The following LCOR variants were observed in gnomAD, a reference collection of about 807,000 sequenced individuals.
The protein encoded by LCOR is ligand dependent nuclear receptor corepressor.
Under a neutral mutation model 64.4 loss-of-function variants are expected in LCOR, and 14 were observed. The observed-to-expected ratio is 0.22, with a 90% CI of 0.14 to 0.34. LCOR has a LOEUF of 0.34. Among genes scored for constraint, LCOR ranks in the 10% least tolerant of loss-of-function variants. The pLI, the probability that LCOR is intolerant of heterozygous loss-of-function variation, is 1.00. For missense variants in LCOR, 1,686 were observed against 1,765.3 expected (o/e 0.96, Z 0.80); for synonymous variants, 643 against 642.5 (o/e 1.00, Z -0.01).
chr10:96,868,716 A>G (rs1846020631), intron 2 of LCOR, among the ~76,000 whole-genome samples: 1 of 152,314 alleles, frequency 6.6e-6, no homozygotes, highest in East Asian at 1.9e-4. Flanking sequence ...CTATTCTTTC[A>G]TAGCACTTTT....
intron 6 of LCOR, among the ~76,000 whole-genome samples, chr10:96,950,254 A>T (rs1486835156): frequency 6.6e-6 from 1 of 152,126 alleles, no homozygotes; most frequent in Admixed American, 6.5e-5. Flanking sequence ...CTTTGAAATG[A>T]ACTTTCTTTT....
At chr10:96,860,501 C>T (rs1010121639) in intron 2 of LCOR, among the ~76,000 whole-genome samples, 3 of 152,186 alleles carry the variant, frequency 2.0e-5, no homozygotes, top group African/African-American at 7.2e-5. Flanking sequence ...TTGGAGGGAG[C>T]ATGGCCATGC....
At chr10:96,853,506 A>C (rs1437162212) in intron 2 of LCOR, among the ~76,000 whole-genome samples, 1 of 152,246 alleles carries the variant, frequency 6.6e-6, no homozygotes, top group African/African-American at 2.4e-5. Flanking sequence ...ATTGAACTCA[A>C]GAGTTTGAGG....
intron 4 of LCOR, among the ~76,000 whole-genome samples, chr10:96,923,649 A>G (rs993094270): frequency 1.3e-5 from 2 of 152,232 alleles, no homozygotes; most frequent in African/African-American, 4.8e-5. Context: ...CTTTATTGTT[A>G]AAAATTTAAC....
chr10:96,847,415 TTTATTTATTTATTTATTTACTTAC>T (rs1353707491), intron 2 of LCOR, among the ~76,000 whole-genome samples: 1 of 135,540 alleles, frequency 7.4e-6, no homozygotes, highest in African/African-American at 2.7e-5. Flanking sequence ...ATTTTATTTA[TTTATTTATTTATTTATTTACTTAC>T]TTATTTATTT....
intron 2 of LCOR, among the ~76,000 whole-genome samples, chr10:96,869,353 C>G (rs1418677614): frequency 6.6e-6 from 1 of 151,912 alleles, no homozygotes; most frequent in Non-Finnish European, 1.5e-5. Context: ...GCTGGTATTA[C>G]AGGCATGTGC....
intron 2 of LCOR, among the ~76,000 whole-genome samples, chr10:96,835,404 A>C (rs2134356447): frequency 6.6e-6 from 1 of 152,326 alleles, no homozygotes; most frequent in East Asian, 1.9e-4. Flanking sequence ...GCAATATTTT[A>C]ATCTGAGCAG....
At chr10:96,894,103 A>AT (rs913247046) in intron 2 of LCOR, among the ~76,000 whole-genome samples, 51 of 152,018 alleles carry the variant, frequency 3.4e-4, no homozygotes, top group African/African-American at 1.1e-3. Context: ...TTATTTATTT[A>AT]TTTTTTGTAA....
At chr10:96,832,907 TGCGTGCACGCGCG>T in intron 1 of LCOR, 1 of 843,564 alleles carries the variant, frequency 1.2e-6, no homozygotes, top group Non-Finnish European at 1.4e-6. Context: ...CCCCCGGGTC[TGCGTGCACGCGCG>T]GCGGGCTGCA....
chr10:96,875,327 T>G (rs1027262484), intron 2 of LCOR, among the ~76,000 whole-genome samples: 1 of 151,776 alleles, frequency 6.6e-6, no homozygotes, highest in East Asian at 1.9e-4. Context: ...GAGCTTGCAG[T>G]GGGCCACTGT....
intron 2 of LCOR, among the ~76,000 whole-genome samples, chr10:96,869,566 T>G (rs1846036067): frequency 6.7e-6 from 1 of 149,086 alleles, no homozygotes; most frequent in South Asian, 2.1e-4. Flanking sequence ...TCATTGGTTC[T>G]TTCTTTTTTT....
chr10:96,969,463 G>C (rs1171306414), intron 7 of LCOR, among the ~76,000 whole-genome samples: 3 of 152,078 alleles, frequency 2.0e-5, no homozygotes, highest in African/African-American at 7.2e-5. Flanking sequence ...AAATTTAAAA[G>C]TCATAAAGTT....
chr10:96,949,019 G>C lies in LCOR; in HGVS notation c.-39G>C. 1 of 1,610,980 alleles carries C rather than the reference G, an allele frequency of 6.2e-7. No individual in the cohort carries two copies. The highest frequency in any genetic ancestry group is 8.5e-7 in the Non-Finnish European group (1 of 1,178,344). On this transcript the variant is annotated 5_prime_UTR_variant, in exon 6 of 8. Transcript: ENST00000421806. ...ATCTTTATTTACAGACAGTCCCTGG[G>C]TCTCCGACCCCAATATTCCCCTAGT...
At chr10:96,832,514 T>C (rs1374928220) in intron 1 of LCOR, 115 bp downstream of exon 1, 1 of 233,274 alleles carries the variant, frequency 4.3e-6, no homozygotes, top group Non-Finnish European at 6.9e-6. Context: ...CCGCCCTCTT[T>C]GGCTCGAGCG....
chr10:96,833,994 G>A (rs1361211443), intron 2 of LCOR, among the ~76,000 whole-genome samples: 1 of 152,188 alleles, frequency 6.6e-6, no homozygotes. Context: ...TGAGCCTTCT[G>A]GCTTGACAGG....
rs1389684845 is a variant in LCOR, at chr10:96,982,739, A to G, written c.2279A>G (p.Glu760Gly). The G allele has an allele frequency of 6.2e-7, 1 of 1,614,120 alleles. No individual in the cohort carries two copies. Among genetic ancestry groups the G allele is most frequent in the Non-Finnish European group, 8.5e-7 (1 of 1,180,054 alleles). The change falls in exon 8 of 8, where the codon GAA becomes GGA. Residue 760 changes from glutamate to glycine, a missense_variant. Coordinates refer to ENST00000421806, the MANE Select transcript of LCOR (RefSeq NM_001346516.2). The stretch of plus-strand genomic sequence containing the variant: ...ACTTTTACTGATGAAAACCCCAGTG[A>G]AACTGAGGAAAGTGAGGCAGCAGGT... ...SSTFTDENPSETEESEAAGGI... is the reference protein window; with the variant it reads ...SSTFTDENPSGTEESEAAGGI...
At chr10:96,974,554 G>A (rs936633689) in intron 7 of LCOR, among the ~76,000 whole-genome samples, 7 of 152,150 alleles carry the variant, frequency 4.6e-5, no homozygotes, top group Admixed American at 2.0e-4. Flanking sequence ...AATCTGCACC[G>A]AACTAAAACA....
rs1320198632 is a variant in LCOR at position 96,994,648 on chromosome 10, T to A, written c.*9514T>A. On this transcript the variant is annotated 3_prime_UTR_variant, in exon 8 of 8. Coordinates refer to ENST00000421806, the MANE Select transcript of LCOR (RefSeq NM_001346516.2). ...AAGAAATTGACCTGTATTGTATCATTGGGGAGGCGACTACTTCTTGTGGTG... is the reference window on the plus strand; with the variant it reads ...AAGAAATTGACCTGTATTGTATCATAGGGGAGGCGACTACTTCTTGTGGTG... The A allele has an allele frequency of 6.9e-6, 1 of 144,568 alleles. No homozygotes were observed. The highest frequency in any genetic ancestry group is 2.0e-4 in the East Asian group (1 of 5,042). 9.0% of individuals were successfully genotyped at this position (144,568 alleles called of 1,614,324 possible).
Position 96,989,624 on chromosome 10 carries a change from A to T in LCOR, c.*4490A>T, listed in dbSNP as rs1670486200. 1 of 146,396 alleles carries T rather than the reference A, an allele frequency of 6.8e-6. No homozygotes were observed. The highest frequency in any genetic ancestry group is 2.1e-4 in the South Asian group (1 of 4,682). 9.1% of individuals were successfully genotyped at this position (146,396 alleles called of 1,614,324 possible). A position where few individuals can be genotyped will look rare whatever the true frequency, so the allele number is the denominator to read the frequency against. On this transcript the variant is annotated 3_prime_UTR_variant, in exon 8 of 8. Transcript: ENST00000421806. ...AAATTGGAGTTATAACCAGAGTATG[A>T]CTGAAAAGCTATTATAGTCTTCCTC...
Sources: allele counts gnomAD v4.1 joint callset (sites outside exome capture counted in the v4.1 genomes callset), GRCh38; gene constraint gnomAD v4.1.1; transcripts MANE v1.5; gene names NCBI Gene and HGNC (gene_info 2026-07-23, HGNC 2026-07-21).